Variants in MBNL3 observed in about 807,000 individuals in gnomAD.
MBNL3 encodes the protein muscleblind-like protein 3.
Under a neutral mutation model 24.5 loss-of-function variants are expected in MBNL3, and 6 were observed. That is an observed-to-expected ratio of 0.25 (90% CI 0.13 to 0.48). The LOEUF is 0.48. Ranked by LOEUF, MBNL3 falls within the 20% of genes least tolerant of loss-of-function variation. The probability of loss-of-function intolerance (pLI) is 0.99; values close to 1 mark genes in which losing one functional copy is unlikely to be tolerated. For synonymous variants in MBNL3, 100 were observed against 101.7 expected (o/e 0.98, Z 0.10); for missense variants, 230 against 293.5 (o/e 0.78, Z 1.58).
upstream of MBNL3, among the ~76,000 whole-genome samples, chrX:132,489,503 C>G (rs1278672414): frequency 9.0e-6 from 1 of 110,626 alleles, no homozygotes; most frequent in East Asian, 2.9e-4. Context: ...CCGGCCTTTG[C>G]CAAAGGCGTG....
At chrX:132,396,582 A>ATATATATTCC (rs1427022922) in intron 3 of MBNL3, among the ~76,000 whole-genome samples, 1 of 55,626 alleles carries the variant, frequency 1.8e-5, no homozygotes, top group Non-Finnish European at 3.0e-5. Context: ...ATATATTCCT[A>ATATATATTCC]TATATATTCC....
At chrX:132,437,875 G>A (rs1289249949) in intron 2 of MBNL3, 1 of 586,450 alleles carries the variant, frequency 1.7e-6, no homozygotes, top group Admixed American at 9.0e-5. Flanking sequence ...AAGCAATTCA[G>A]AGATTTTCAA....
At chrX:132,449,463 GCTT>G (rs1945931168) in intron 1 of MBNL3, among the ~76,000 whole-genome samples, 1 of 36,525 alleles carries the variant, frequency 2.7e-5, no homozygotes, top group Non-Finnish European at 4.3e-5. Flanking sequence ...TGCAACCCCT[GCTT>G]TTTTTTTTTT....
intron 8 of MBNL3, chrX:132,381,524 A>G: frequency 1.9e-6 from 1 of 521,713 alleles, no homozygotes; most frequent in Non-Finnish European, 3.0e-6. Flanking sequence ...GTCTATAAGC[A>G]TGGTTCCCAC....
At chrX:132,386,112 T>C (rs1274354344) in intron 6 of MBNL3, among the ~76,000 whole-genome samples, 5 of 111,972 alleles carry the variant, frequency 4.5e-5, no homozygotes, top group African/African-American at 1.6e-4. Flanking sequence ...ATGTAGGAGA[T>C]AACAAAATAT....
chrX:132,438,866 G>A (rs1330944565), intron 2 of MBNL3, among the ~76,000 whole-genome samples: 7 of 107,581 alleles, frequency 6.5e-5, no homozygotes, highest in Non-Finnish European at 1.2e-4. Flanking sequence ...ACCTAGTTTT[G>A]TAGCAATACG....
chrX:132,412,085 C>CT (rs924336258), intron 2 of MBNL3, among the ~76,000 whole-genome samples: 26 of 108,720 alleles, frequency 2.4e-4, no homozygotes, highest in African/African-American at 6.3e-4. Flanking sequence ...TAGTTCCTAA[C>CT]TTTTTTTTTT....
At chrX:132,462,588 G>A (rs1946678900) in intron 1 of MBNL3, among the ~76,000 whole-genome samples, 1 of 111,875 alleles carries the variant, frequency 8.9e-6, no homozygotes, top group Non-Finnish European at 1.9e-5. Flanking sequence ...CATTTTCAGA[G>A]ACCAAAGAAA....
chrX:132,398,336 C>T (rs1404019551), intron 3 of MBNL3, among the ~76,000 whole-genome samples: 2 of 111,539 alleles, frequency 1.8e-5, no homozygotes, highest in East Asian at 2.8e-4. Context: ...ATGATTGACA[C>T]TTATAAGCAG....
intron 1 of MBNL3, among the ~76,000 whole-genome samples, chrX:132,466,988 C>A (rs1204894789): frequency 9.0e-6 from 1 of 111,594 alleles, no homozygotes; most frequent in African/African-American, 3.3e-5. Context: ...TAGGCAGTAT[C>A]TATTTACTAA....
At chrX:132,483,909 T>C (rs1947869603) in intron 1 of MBNL3, among the ~76,000 whole-genome samples, 1 of 112,521 alleles carries the variant, frequency 8.9e-6, no homozygotes, top group Non-Finnish European at 1.9e-5. Context: ...AGTGTCCTTT[T>C]TGGATTTTGT....
intron 2 of MBNL3, among the ~76,000 whole-genome samples, chrX:132,410,011 C>G (rs1186498377): frequency 9.0e-6 from 1 of 111,660 alleles, no homozygotes; most frequent in African/African-American, 3.3e-5. Flanking sequence ...GCTCCCCTTT[C>G]CCATCGACTG....
chrX:132,489,469 T>C (rs1322169981), upstream of MBNL3, among the ~76,000 whole-genome samples: 1 of 110,654 alleles, frequency 9.0e-6, no homozygotes, highest in Non-Finnish European at 1.9e-5. Context: ...GCAGCTACCA[T>C]AGCAACCCCG....
At chrX:132,396,959 CATATATATATGAATATATATGA>C (rs1569426893) in intron 3 of MBNL3, among the ~76,000 whole-genome samples, 7 of 73,013 alleles carry the variant, frequency 9.6e-5, no homozygotes, top group Admixed American at 1.9e-4. Context: ...CATATATATT[CATATATATATGAATATATATGA>C]ATATATATGT....
chrX:132,388,548 G>A (rs2148089264), intron 5 of MBNL3, among the ~76,000 whole-genome samples: 1 of 111,706 alleles, frequency 9.0e-6, no homozygotes, highest in South Asian at 3.8e-4. Flanking sequence ...TACAAATTGG[G>A]GTGAAACCTA....
intron 1 of MBNL3, among the ~76,000 whole-genome samples, chrX:132,458,750 C>A (rs961106207): frequency 4.5e-5 from 5 of 110,104 alleles, no homozygotes; most frequent in Non-Finnish European, 9.5e-5. Flanking sequence ...TGAGTCTTGG[C>A]AGGGACAAAC....
chrX:132,447,399 T>C (rs995219971), intron 1 of MBNL3, among the ~76,000 whole-genome samples: 28 of 112,085 alleles, frequency 2.5e-4, no homozygotes, highest in Admixed American at 2.8e-4. Context: ...TGGAATGTTT[T>C]TCCATTTGTT....
chrX:132,453,318 C>G (rs1398155321), intron 1 of MBNL3, among the ~76,000 whole-genome samples: 1 of 111,478 alleles, frequency 9.0e-6, no homozygotes, highest in Non-Finnish European at 1.9e-5. Context: ...TTAAGGAGCC[C>G]ACAGCACAGA....
intron 2 of MBNL3, among the ~76,000 whole-genome samples, chrX:132,439,223 G>C (rs1945276285): frequency 9.0e-6 from 1 of 111,218 alleles, no homozygotes; most frequent in East Asian, 2.8e-4. Context: ...TTTAGACTTG[G>C]CTTAGCTCTA....
Sources: gnomAD v4.1 joint callset for allele counts (sites outside exome capture counted in the v4.1 genomes callset) on GRCh38, gnomAD v4.1.1 for gene constraint, MANE v1.5 for transcripts, NCBI Gene and HGNC (gene_info 2026-07-23, HGNC 2026-07-21) for gene names.